MYOCD: variants seen among roughly 807,000 people sequenced by gnomAD.
MYOCD encodes the protein myocardin.
MYOCD carries 32 observed loss-of-function variants against 96.1 expected under a neutral mutation model. The observed-to-expected ratio is 0.33, with a 90% CI of 0.25 to 0.45. The LOEUF (loss-of-function observed/expected upper bound fraction) is 0.45. Among genes scored for constraint, MYOCD ranks in the 20% least tolerant of loss-of-function variants. MYOCD has a pLI of 1.00. For synonymous variants in MYOCD, 469 were observed against 469.0 expected, an observed-to-expected ratio of 1.00 and a Z score of 0.00; for missense variants, 1,133 against 1,200.6, an observed-to-expected ratio of 0.94 and a Z score of 0.83.
At chr17:12,716,390 G>C (rs987378006) in intron 3 of MYOCD, among the ~76,000 whole-genome samples, 2 of 152,218 alleles carry the variant, frequency 1.3e-5, no homozygotes, top group Non-Finnish European at 2.9e-5. Flanking sequence ...ATCCACTGTA[G>C]TGAGATAAAA....
At chr17:12,707,312 T>TATGTTTATAATTAAACCAGGC (rs1282518166) in intron 2 of MYOCD, among the ~76,000 whole-genome samples, 27 of 152,180 alleles carry the variant, frequency 1.8e-4, no homozygotes, top group African/African-American at 6.3e-4. Flanking sequence ...TAAACCAGGC[T>TATGTTTATAATTAAACCAGGC]ATGTACACGG....
At chr17:12,758,040 C>T in intron 11 of MYOCD, 45 bp from the exon 12 acceptor site, 1 of 1,407,614 alleles carries the variant, frequency 7.1e-7, no homozygotes, top group Non-Finnish European at 1.0e-6. Flanking sequence ...AACATAATTT[C>T]AGATCCATGA....
At chr17:12,735,791 C>T (rs939491929) in intron 5 of MYOCD, among the ~76,000 whole-genome samples, 2 of 152,174 alleles carry the variant, frequency 1.3e-5, no homozygotes, top group African/African-American at 4.8e-5. Context: ...GGGACACGGG[C>T]GCATGCTCCC....
At chr17:12,727,587 C>G (rs142274788) in intron 5 of MYOCD, among the ~76,000 whole-genome samples, 146 of 152,268 alleles carry the variant, frequency 9.6e-4, no homozygotes, top group African/African-American at 3.3e-3. Flanking sequence ...TTTACATTTT[C>G]CAGCTCTCTC....
Position 12,739,584 on chromosome 17 carries a change from C to T in MYOCD, c.717+256C>T, listed in dbSNP as rs78850963. The stretch of plus-strand genomic sequence containing the variant: ...CTTTGGAATCACAGTCCAGCCAGCA[C>T]GTTCCCCACTTAAAAGATTTCATAA... On this transcript the variant is annotated intron_variant, in intron 7 of 13. Coordinates refer to ENST00000425538, the MANE Select transcript of MYOCD (RefSeq NM_001146312.3). Among the ~76,000 whole-genome samples, 793 of 152,334 alleles carry T rather than the reference C, an allele frequency of 5.2e-3. 40 individuals carry two copies. The East Asian group carries it at 0.11, about 20-fold the overall frequency.
At chr17:12,680,411 A>C (rs760367521) in intron 1 of MYOCD, among the ~76,000 whole-genome samples, 39 of 152,202 alleles carry the variant, frequency 2.6e-4, no homozygotes, top group Non-Finnish European at 5.4e-4. Flanking sequence ...GAATTTACAC[A>C]TACAGCATGG....
At chr17:12,668,293 T>G (rs151166562) in intron 1 of MYOCD, among the ~76,000 whole-genome samples, 7 of 152,316 alleles carry the variant, frequency 4.6e-5, no homozygotes, top group African/African-American at 1.4e-4. Context: ...ACTCAAACAG[T>G]AAACTCATAA....
chr17:12,740,912 A>AT (rs1178014420), intron 7 of MYOCD, among the ~76,000 whole-genome samples: 1 of 151,916 alleles, frequency 6.6e-6, no homozygotes, highest in Non-Finnish European at 1.5e-5. Context: ...CAAATTTTGT[A>AT]TTTTTAGTAA....
At chr17:12,683,892 A>G (rs2029949117) in intron 1 of MYOCD, among the ~76,000 whole-genome samples, 1 of 152,198 alleles carries the variant, frequency 6.6e-6, no homozygotes, top group Non-Finnish European at 1.5e-5. Flanking sequence ...ATATTGAATG[A>G]ATGAAATGAA....
intron 1 of MYOCD, among the ~76,000 whole-genome samples, chr17:12,687,018 A>G (rs898251857): frequency 2.0e-5 from 3 of 152,146 alleles, no homozygotes; most frequent in Non-Finnish European, 4.4e-5. Flanking sequence ...GTCTCTTAGG[A>G]GGTTTGAGAT....
At chr17:12,749,977 A>G (rs889649957) in intron 9 of MYOCD, among the ~76,000 whole-genome samples, 3 of 151,736 alleles carry the variant, frequency 2.0e-5, no homozygotes, top group Non-Finnish European at 2.9e-5. Context: ...AGCCTCCCGA[A>G]TAGCTGGGAC....
At chr17:12,727,880 C>T (rs2032046200) in intron 5 of MYOCD, among the ~76,000 whole-genome samples, 1 of 152,138 alleles carries the variant, frequency 6.6e-6, no homozygotes, top group African/African-American at 2.4e-5. Flanking sequence ...TGATCCCACT[C>T]CCAGGCTGCA....
At chr17:12,727,600 C>T (rs1759896069) in intron 5 of MYOCD, among the ~76,000 whole-genome samples, 2 of 152,202 alleles carry the variant, frequency 1.3e-5, no homozygotes, top group South Asian at 4.1e-4. Context: ...GCTCTCTCTG[C>T]AGCTGTGTTT....
chr17:12,705,205 C>T lies in MYOCD; in HGVS notation c.121+12C>T, dbSNP rs1340141084. On this transcript the variant is annotated intron_variant, in intron 2 of 13. Coordinates refer to ENST00000425538, the MANE Select transcript of MYOCD (RefSeq NM_001146312.3). ...AGGCATAATACCACGTGAGTACCTG[C>T]ATCTCTTAATTACTGATATACATAG... 3.7e-6 allele frequency: 6 copies of T among 1,600,206 alleles called. No homozygotes were observed. The highest frequency in any genetic ancestry group is 3.3e-5 in the Admixed American group (2 of 59,852).
rs1402166116 is a variant in MYOCD at position 12,736,250 on chromosome 17, A to C, written c.505A>C (p.Ser169Arg). The change falls in exon 6 of 14, where the codon AGT becomes CGT. Residue 169 changes from serine to arginine, a missense_variant. By Grantham distance (110) the Ser-to-Arg change is moderately radical (BLOSUM62 -1). Coordinates refer to ENST00000425538, the MANE Select transcript of MYOCD (RefSeq NM_001146312.3). ...SDGLSPDQTR[S>R]EDPQNSAGSP... ...TGGGCTTTCTCCGGATCAGACTCGA[A>C]GTGAAGACCCCCAAAACTCAGCGGG... The C allele has an allele frequency of 6.2e-7, 1 of 1,614,226 alleles. No individual in the cohort carries two copies. Among genetic ancestry groups the C allele is most frequent in the Non-Finnish European group, 8.5e-7 (1 of 1,180,040 alleles).
intron 1 of MYOCD, among the ~76,000 whole-genome samples, chr17:12,704,587 C>T (rs1253620537): frequency 6.6e-6 from 1 of 152,192 alleles, no homozygotes; most frequent in Non-Finnish European, 1.5e-5. Context: ...AATGTCATTA[C>T]ATGTGCCAGA....
At chr17:12,689,766 G>A (rs1023805896) in intron 1 of MYOCD, among the ~76,000 whole-genome samples, 1 of 151,540 alleles carries the variant, frequency 6.6e-6, no homozygotes, top group Non-Finnish European at 1.5e-5. Flanking sequence ...GGGAGGCAAA[G>A]GTTGCAGTGG....
chr17:12,704,983 T>G, intron 1 of MYOCD, 145 bp from the exon 2 acceptor site: 1 of 635,356 alleles, frequency 1.6e-6, no homozygotes, highest in South Asian at 2.0e-5. Flanking sequence ...TTCCACTGTG[T>G]CTACAACAGA....
intron 2 of MYOCD, among the ~76,000 whole-genome samples, chr17:12,713,425 T>C (rs2031540188): frequency 6.6e-6 from 1 of 152,158 alleles, no homozygotes; most frequent in Non-Finnish European, 1.5e-5. Flanking sequence ...TAAAACCAAT[T>C]GTGTTTGGAA....
Sources: allele counts gnomAD v4.1 joint callset (sites outside exome capture counted in the v4.1 genomes callset), GRCh38; gene constraint gnomAD v4.1.1; transcripts MANE v1.5; gene names NCBI Gene and HGNC (gene_info 2026-07-23, HGNC 2026-07-21).